SRSF2: variants seen among roughly 807,000 people sequenced by gnomAD.
SRSF2 encodes serine/arginine-rich splicing factor 2.
Under a neutral mutation model 15.7 loss-of-function variants are expected in SRSF2, and 4 were observed. That is an observed-to-expected ratio of 0.26 (90% confidence interval 0.13 to 0.58). The LOEUF (loss-of-function observed/expected upper bound fraction) is 0.58, where lower values mean the gene tolerates loss of function less well. Among genes scored for constraint, SRSF2 ranks in the 20% least tolerant of loss-of-function variants. The probability of loss-of-function intolerance (pLI) is 0.90; values close to 1 mark genes in which losing one functional copy is unlikely to be tolerated. For synonymous variants in SRSF2, 192 were observed against 138.9 expected (o/e 1.38, Z -2.69); for missense variants, 147 against 332.4 (o/e 0.44, Z 4.34).
chr17:76,734,390 TG>T lies in SRSF2; in HGVS notation c.*775del. 4.1e-6 allele frequency: 1 copy of T among 242,608 alleles called. No homozygotes were observed. The highest frequency in any genetic ancestry group is 8.7e-6 in the Non-Finnish European group (1 of 115,126). The allele number at this position is 242,608 out of a possible 1,614,324, so 15.0% of individuals were successfully genotyped here. Reference sequence around the variant, plus strand: ...TATTTATATGCAAGGCCCGGGTGACTGGAAGTGCAGTTGTCAGGCATTTTAA... The same window carrying T: ...TATTTATATGCAAGGCCCGGGTGACTGAAGTGCAGTTGTCAGGCATTTTAA... On this transcript the variant is annotated 3_prime_UTR_variant, in exon 3 of 3. Coordinates refer to ENST00000359995, the MANE Select transcript of SRSF2 (RefSeq NM_001195427.2).
Position 76,737,311 on chromosome 17 carries a change from T to C in SRSF2, c.-151A>G, listed in dbSNP as rs956761292. On this transcript the variant is annotated 5_prime_UTR_variant, in exon 1 of 3. Coordinates refer to ENST00000359995, the MANE Select transcript of SRSF2 (RefSeq NM_001195427.2). ...AACAGCACGGACGGGCTCCGCAGGC[T>C]AGCGCACCTGAGTAACAACTGGGCG... 8.1e-6 allele frequency: 9 copies of C among 1,112,280 alleles called. No homozygotes were observed. Among genetic ancestry groups the C allele is most frequent in the South Asian group, 1.8e-5 (1 of 57,110 alleles). 68.9% of individuals were successfully genotyped at this position (1,112,280 alleles called of 1,614,324 possible).
chr17:76,736,011 T>C (rs929852260), intron 2 of SRSF2, 143 bp downstream of exon 2: 2 of 792,968 alleles, frequency 2.5e-6, no homozygotes, highest in Middle Eastern at 2.4e-4. Flanking sequence ...ACCCCTCTCT[T>C]CAGTATTACT....
Position 76,734,452 on chromosome 17 carries a change from C to T in SRSF2, c.*714G>A, listed in dbSNP as rs1410513525. On this transcript the variant is annotated 3_prime_UTR_variant, in exon 3 of 3. Coordinates refer to ENST00000359995, the MANE Select transcript of SRSF2 (RefSeq NM_001195427.2). The stretch of plus-strand genomic sequence containing the variant: ...AGCCATTTGTTTCTGCACGACAAGG[C>T]ATCTTTACACAGGAGCAATCGGGAG... The T allele has an allele frequency of 8.2e-6, 2 of 242,682 alleles. No homozygotes were observed. The highest frequency in any genetic ancestry group is 1.2e-4 in the East Asian group (2 of 16,124). The allele number at this position is 242,682 out of a possible 1,614,324, so 15.0% of individuals were successfully genotyped here.
Position 76,736,339 on chromosome 17 carries a change from G to C in SRSF2, c.488C>G (p.Ser163Cys). 6.2e-7 allele frequency: 1 copy of C among 1,614,168 alleles called. No homozygotes were observed. Among genetic ancestry groups the C allele is most frequent in the South Asian group, 1.1e-5 (1 of 91,076 alleles). ...GGACTTGGACCTTCGTGCGGATCTGGACTTGGAGGTCGACCGAGATCGAGA... is the reference window on the plus strand; with the variant it reads ...GGACTTGGACCTTCGTGCGGATCTGCACTTGGAGGTCGACCGAGATCGAGA... ...TRSRSRSTSK[S>C]RSARRSKSKS... The change falls in exon 2 of 3, where the codon TCC (serine) becomes TGC (cysteine). Residue 163 changes from serine (S) to cysteine (C), a missense_variant. Physicochemically the swap from Ser to Cys is moderately radical, Grantham distance 112 (BLOSUM62 -1). This residue lies in a region of SRSF2 where 125 missense variants were observed against 185.1 expected (regional missense o/e 0.68). Transcript: ENST00000359995.
chr17:76,736,747 G>GGCCTCCCGCGCGCCCCGCCCC, intron 1 of SRSF2, 52 bp downstream of exon 1: 2 of 1,392,998 alleles, frequency 1.4e-6, no homozygotes, highest in Non-Finnish European at 1.9e-6. Flanking sequence ...AGGTCGCCCG[G>GGCCTCCCGCGCGCCCCGCCCC]GCCTCCCGCG....
chr17:76,736,671 C>G (rs988248974), intron 1 of SRSF2, 128 bp downstream of exon 1: 8 of 1,226,928 alleles, frequency 6.5e-6, no homozygotes, highest in African/African-American at 1.6e-5. Context: ...CGGAGGGTCG[C>G]GAGACGCGGC....
Position 76,734,952 on chromosome 17 carries a change from A to G in SRSF2, c.*214T>C, listed in dbSNP as rs1286139256. The G allele has an allele frequency of 4.4e-6, 1 of 228,108 alleles. No homozygotes were observed. Among genetic ancestry groups the G allele is most frequent in the African/African-American group, 2.2e-5 (1 of 44,808 alleles). 14.1% of individuals were successfully genotyped at this position (228,108 alleles called of 1,614,324 possible). On this transcript the variant is annotated 3_prime_UTR_variant, in exon 3 of 3. Transcript: ENST00000359995. ...GAAATCTGAAGTCGTTCACCTCACT[A>G]AATTACAAGAAATTTGAATAACAGC...
At chr17:76,735,985 C>T in intron 2 of SRSF2, 169 bp downstream of exon 2, 1 of 662,150 alleles carries the variant, frequency 1.5e-6, no homozygotes, top group Non-Finnish European at 2.6e-6. Context: ...AAGCTTCATA[C>T]ACATCCTTTC....
At position 76,736,391 on chromosome 17, in the gene SRSF2, G is replaced by C; in HGVS notation, c.436C>G (p.Arg146Gly). The C allele has an allele frequency of 6.2e-7, 1 of 1,614,096 alleles. No individual in the cohort carries two copies. Among genetic ancestry groups the C allele is most frequent in the Non-Finnish European group, 8.5e-7 (1 of 1,180,026 alleles). Reference protein sequence around the residue: ...SRSRSRSRYSRSKSRSRTRSR... With the variant: ...SRSRSRSRYSGSKSRSRTRSR... ...CGAGTGCGGGACCGAGACTTCGAGC[G>C]GCTGTAGCGAGATCGGCTGCGAGAC... The change falls in exon 2 of 3, where the codon CGC becomes GGC. Residue 146 changes from arginine (R) to glycine (G), a missense_variant. Physicochemically the swap from Arg to Gly is moderately radical, Grantham distance 125. Around this residue, in one of 2 missense-constraint regions of SRSF2, gnomAD observed 125 missense variants for 185.1 expected, o/e 0.68. Coordinates refer to ENST00000359995, the MANE Select transcript of SRSF2 (RefSeq NM_001195427.2).
intron 2 of SRSF2, chr17:76,735,362 C>T (rs1167504733): frequency 4.8e-6 from 1 of 206,584 alleles, no homozygotes. Context: ...GTATTCCTGG[C>T]CAAATAACCA....
In SRSF2 at chr17:76,736,174, G is replaced by A. The variant is rs758866264; in HGVS notation, c.653C>T (p.Ala218Val). The A allele has an allele frequency of 6.2e-7, 1 of 1,608,870 alleles. No individual in the cohort carries two copies. Among genetic ancestry groups the A allele is most frequent in the Non-Finnish European group, 8.5e-7 (1 of 1,176,670 alleles). The change falls in exon 2 of 3, where the codon GCG (alanine) becomes GTG (valine). Residue 218 changes from alanine to valine, a missense_variant. Coordinates refer to ENST00000359995, the MANE Select transcript of SRSF2 (RefSeq NM_001195427.2). ...SPPKSPEEEG[A>V]VSS is the part of the protein sequence containing the mutation. ...ATTACCATTTTCTTAAGAGGACACCGCTCCTTCCTCTTCAGGAGACTTGGG... is the reference window on the plus strand; with the variant it reads ...ATTACCATTTTCTTAAGAGGACACCACTCCTTCCTCTTCAGGAGACTTGGG...
upstream of SRSF2, chr17:76,737,338 G>T: frequency 2.5e-6 from 2 of 810,326 alleles, no homozygotes; most frequent in South Asian, 2.2e-5. Flanking sequence ...AACTGGGCGG[G>T]CAGCCGGCCT....
chr17:76,736,866 G>C lies in SRSF2; in HGVS notation c.295C>G (p.His99Asp). 6.2e-7 allele frequency: 1 copy of C among 1,610,300 alleles called. No homozygotes were observed. Among genetic ancestry groups the C allele is most frequent in the Non-Finnish European group, 8.5e-7 (1 of 1,178,830 alleles). ...MARYGRPPDS[H>D]HSRRGPPPRR... Reference sequence around the variant, plus strand: ...GGTGGCGGTCCCCGGCGGCTGTGGTGTGAGTCCGGGGGGCGGCCGTAGCGC... The same window carrying C: ...GGTGGCGGTCCCCGGCGGCTGTGGTCTGAGTCCGGGGGGCGGCCGTAGCGC... Residue 99 changes from histidine to aspartate, a missense_variant, in exon 1 of 3, where the codon CAC becomes GAC. Physicochemically the swap from His to Asp is moderately conservative, Grantham distance 81 (BLOSUM62 -1). Coordinates refer to ENST00000359995, the MANE Select transcript of SRSF2 (RefSeq NM_001195427.2).
rs2077458843 is a variant in SRSF2 at position 76,736,198 on chromosome 17, G to C, written c.629C>G (p.Pro210Arg). The change falls in exon 2 of 3, where the codon CCC (proline) becomes CGC (arginine). Residue 210 changes from proline to arginine, a missense_variant. Transcript: ENST00000359995. ...SKSRSRSKSPPKSPEEEGAVS... is the reference protein window; with the variant it reads ...SKSRSRSKSPRKSPEEEGAVS... ...CGCTCCTTCCTCTTCAGGAGACTTG[G>C]GGGGACTCTTCGATCGCGACCTGGA... The C allele has an allele frequency of 1.2e-6, 2 of 1,613,918 alleles. No individual in the cohort carries two copies. The highest frequency in any genetic ancestry group is 1.7e-6 in the Non-Finnish European group (2 of 1,179,906).
At position 76,734,442 on chromosome 17, in the gene SRSF2, CACG is replaced by C. The variant is rs899481613; in HGVS notation, c.*721_*723del. 2.5e-5 allele frequency: 6 copies of C among 242,664 alleles called. No individual in the cohort carries two copies. Among genetic ancestry groups the C allele is most frequent in the African/African-American group, 6.6e-5 (3 of 45,240 alleles). The allele number at this position is 242,664 out of a possible 1,614,324, so 15.0% of individuals were successfully genotyped here. A position where few individuals can be genotyped will look rare whatever the true frequency, so the allele number is the denominator to read the frequency against. On this transcript the variant is annotated 3_prime_UTR_variant, in exon 3 of 3. Transcript: ENST00000359995. The stretch of plus-strand genomic sequence containing the variant: ...TAAACTGGACAGCCATTTGTTTCTG[CACG>C]ACAAGGCATCTTTACACAGGAGCAA...
Position 76,737,226 on chromosome 17 carries a change from C to T in SRSF2, c.-66G>A, listed in dbSNP as rs757971391. The T allele has an allele frequency of 8.2e-6, 12 of 1,466,146 alleles. No homozygotes were observed. The highest frequency in any genetic ancestry group is 2.5e-5 in the East Asian group (1 of 40,134). 90.8% of individuals were successfully genotyped at this position (1,466,146 alleles called of 1,614,324 possible). ...GCTTCCTCAGCTCTGGGCGGTGCGA[C>T]GCCGCGCCTCTCAGGCAGTTGCCTT... On this transcript the variant is annotated 5_prime_UTR_variant, in exon 1 of 3. Coordinates refer to ENST00000359995, the MANE Select transcript of SRSF2 (RefSeq NM_001195427.2).
rs576861200 is a variant in SRSF2 at position 76,736,743 on chromosome 17, C to A, written c.362+56G>T. On this transcript the variant is annotated intron_variant, in intron 1 of 2. Coordinates refer to ENST00000359995, the MANE Select transcript of SRSF2 (RefSeq NM_001195427.2). ...TTCGCCGCGGACCTTTGTGAGGTCG[C>A]CCGGGCCTCCCGCGCGCCCCGCCCC... 4.3e-6 allele frequency: 6 copies of A among 1,391,990 alleles called. No individual in the cohort carries two copies. In the African/African-American group the frequency reaches 9.2e-5, roughly 21 times the overall value. 86.2% of individuals were successfully genotyped at this position (1,391,990 alleles called of 1,614,324 possible).
intron 2 of SRSF2, chr17:76,735,919 AATAGTCATTTTC>A: frequency 1.6e-6 from 1 of 615,916 alleles, no homozygotes; most frequent in Non-Finnish European, 2.9e-6. Context: ...AACAGCAAGA[AATAGTCATTTTC>A]ATTAATAGGT....
rs566309566 is a variant in SRSF2, at chr17:76,736,647, G to C, written c.362+152C>G. Reference sequence around the variant, plus strand: ...CACTCCCGGGTCGCAGACGGCGGAAGCTCGCGGGGTGGCCGGAGGGTCGCG... The same window carrying C: ...CACTCCCGGGTCGCAGACGGCGGAACCTCGCGGGGTGGCCGGAGGGTCGCG... On this transcript the variant is annotated intron_variant, in intron 1 of 2. Transcript: ENST00000359995. 5.3e-5 allele frequency: 62 copies of C among 1,178,756 alleles called. 3 individuals are homozygous for C. The South Asian group carries it at 1.3e-3, about 25-fold the overall frequency. 73.0% of individuals were successfully genotyped at this position (1,178,756 alleles called of 1,614,324 possible).
Sources: gnomAD v4.1 joint callset for allele counts on GRCh38, gnomAD v4.1.1 for gene constraint, gnomAD v4.1.1 regional missense constraint, MANE v1.5 for transcripts, NCBI Gene and HGNC (gene_info 2026-07-23, HGNC 2026-07-21) for gene names.